The following MTUS2 variants were observed in gnomAD, a reference collection of about 807,000 sequenced individuals.
MTUS2 encodes the protein microtubule-associated tumor suppressor candidate 2.
Under a neutral mutation model 114.1 loss-of-function variants are expected in MTUS2, and 40 were observed. The ratio of observed to expected loss-of-function variants is 0.35; its 90% CI spans 0.27 to 0.46. MTUS2 has a LOEUF of 0.46. Among genes scored for constraint, MTUS2 ranks in the 20% least tolerant of loss-of-function variants. The pLI is 1.00. For missense variants in MTUS2, 1,679 were observed against 1,705.4 expected, an observed-to-expected ratio of 0.98 and a Z score of 0.27; for synonymous variants, 688 against 672.0, an observed-to-expected ratio of 1.02 and a Z score of -0.37.
chr13:29,058,384 T>A (rs1888240554), intron 4 of MTUS2, among the ~76,000 whole-genome samples: 1 of 151,938 alleles, frequency 6.6e-6, no homozygotes, highest in African/African-American at 2.4e-5. Flanking sequence ...CCAAATTGCT[T>A]GTTTACTCTC....
At chr13:29,242,775 TTG>T (rs1444663619) in intron 5 of MTUS2, 3 of 152,256 alleles carry the variant, frequency 2.0e-5, no homozygotes, top group Non-Finnish European at 4.4e-5. Flanking sequence ...GCTAACATTG[TTG>T]AGTACCTACT....
Position 29,503,452 on chromosome 13 carries a change from C to G in MTUS2, c.*246C>G, listed in dbSNP as rs753375209. ...GTTAGAGCCAAAAGAAAGACACTTG[C>G]AATTGTTCTTGAGCAATGAACTTTC... On this transcript the variant is annotated 3_prime_UTR_variant, in exon 16 of 16. Transcript: ENST00000612955. 3 of 583,900 alleles carry G rather than the reference C, an allele frequency of 5.1e-6. No homozygotes were observed. Among genetic ancestry groups the G allele is most frequent in the Admixed American group, 6.0e-5 (2 of 33,474 alleles). 36.2% of individuals were successfully genotyped at this position (583,900 alleles called of 1,614,324 possible).
In MTUS2 at chr13:29,504,953, T is replaced by A; in HGVS notation, c.*1747T>A. The stretch of plus-strand genomic sequence containing the variant: ...GTTGCCAACGTGAAGGCAGACATGG[T>A]CCCTGGCCCTAGGATGAGTCCACGC... On this transcript the variant is annotated 3_prime_UTR_variant, in exon 16 of 16. Coordinates refer to ENST00000612955, the MANE Select transcript of MTUS2 (RefSeq NM_001033602.4). 4.3e-6 allele frequency: 1 copy of A among 232,692 alleles called. No individual in the cohort carries two copies. Among genetic ancestry groups the A allele is most frequent in the Non-Finnish European group, 8.5e-6 (1 of 117,682 alleles). The allele number at this position is 232,692 out of a possible 1,614,324, so 14.4% of individuals were successfully genotyped here.
chr13:29,465,431 C>T (rs1879818547), intron 9 of MTUS2, among the ~76,000 whole-genome samples: 1 of 152,324 alleles, frequency 6.6e-6, no homozygotes, highest in East Asian at 1.9e-4. Context: ...GACACTTGTG[C>T]TTTACTTACC....
At chr13:29,065,439 T>C (rs1420247348) in intron 4 of MTUS2, among the ~76,000 whole-genome samples, 1 of 152,222 alleles carries the variant, frequency 6.6e-6, no homozygotes, top group Non-Finnish European at 1.5e-5. Flanking sequence ...TTTTGAGAAG[T>C]GTCTGTTCAT....
intron 5 of MTUS2, among the ~76,000 whole-genome samples, chr13:29,104,331 G>A (rs148164416): frequency 3.2e-4 from 49 of 152,298 alleles, no homozygotes; most frequent in African/African-American, 1.2e-3. Context: ...TGGGTCCTGG[G>A]CTGGTGTTCT....
intron 6 of MTUS2, among the ~76,000 whole-genome samples, chr13:29,294,484 A>G (rs1898854841): frequency 6.6e-6 from 1 of 152,156 alleles, no homozygotes; most frequent in South Asian, 2.1e-4. Flanking sequence ...TTGCAAAATC[A>G]TATTTGTTAG....
chr13:29,340,153 G>A (rs1901318871), intron 7 of MTUS2, among the ~76,000 whole-genome samples: 2 of 152,288 alleles, frequency 1.3e-5, no homozygotes, highest in South Asian at 2.1e-4. Context: ...ATCACGGGGT[G>A]CAGCTGCAGC....
At chr13:29,182,787 A>G (rs1894060041) in intron 5 of MTUS2, among the ~76,000 whole-genome samples, 1 of 152,242 alleles carries the variant, frequency 6.6e-6, no homozygotes, top group Non-Finnish European at 1.5e-5. Flanking sequence ...GAGAGGGTTG[A>G]ATTAAGTGAA....
chr13:29,294,096 G>A (rs892433467), intron 6 of MTUS2, among the ~76,000 whole-genome samples: 4 of 151,970 alleles, frequency 2.6e-5, no homozygotes, highest in African/African-American at 9.7e-5. Context: ...ATAATAATTT[G>A]TTCTAAGGAA....
chr13:29,087,174 T>C (rs1356818610), intron 4 of MTUS2, among the ~76,000 whole-genome samples: 1 of 152,242 alleles, frequency 6.6e-6, no homozygotes, highest in Non-Finnish European at 1.5e-5. Context: ...ATCCTTATCT[T>C]GTTCCAGTTC....
rs540692389 is a variant in MTUS2 at position 29,503,866 on chromosome 13, C to T, written c.*660C>T. 6.4e-5 allele frequency: 15 copies of T among 233,962 alleles called. No homozygotes were observed. The highest frequency in any genetic ancestry group is 3.7e-4 in the East Asian group (6 of 16,232). 14.5% of individuals were successfully genotyped at this position (233,962 alleles called of 1,614,324 possible). ...TTGGAACAATCAGCTTCTCAGTCAA[C>T]ATGATGTGAGATCACTATTATTCCA... On this transcript the variant is annotated 3_prime_UTR_variant, in exon 16 of 16. Coordinates refer to ENST00000612955, the MANE Select transcript of MTUS2 (RefSeq NM_001033602.4).
chr13:29,183,966 T>C (rs186953866), intron 5 of MTUS2, among the ~76,000 whole-genome samples: 1 of 152,194 alleles, frequency 6.6e-6, no homozygotes, highest in African/African-American at 2.4e-5. Flanking sequence ...AAAAGTTAAC[T>C]GTACAGTTTT....
chr13:29,386,283 T>C (rs1057363972), intron 8 of MTUS2, among the ~76,000 whole-genome samples: 1 of 152,180 alleles, frequency 6.6e-6, no homozygotes, highest in Non-Finnish European at 1.5e-5. Context: ...CAACTGTGAA[T>C]ACTACAAAGA....
intron 6 of MTUS2, among the ~76,000 whole-genome samples, chr13:29,287,915 TA>T (rs1400569390): frequency 1.3e-5 from 2 of 152,180 alleles, no homozygotes; most frequent in African/African-American, 4.8e-5. Flanking sequence ...GAGAAACAAT[TA>T]TTAAAACGTT....
At position 29,381,671 on chromosome 13, in the gene MTUS2, C is replaced by T. The variant is rs138211883; in HGVS notation, c.3117+22198C>T. Among the ~76,000 whole-genome samples the T allele has an allele frequency of 5.2e-3, 787 of 152,238 alleles. 5 individuals are homozygous for T. The highest frequency in any genetic ancestry group is 0.018 in the African/African-American group (734 of 41,548). On this transcript the variant is annotated intron_variant, in intron 8 of 15. Transcript: ENST00000612955. ...AAGGTCATTCCAACATCAAAGCCCA[C>T]GTTCATCATGACGTTCTGCTGCCTC...
At chr13:29,275,299 C>T (rs995518062) in intron 5 of MTUS2, among the ~76,000 whole-genome samples, 2 of 152,144 alleles carry the variant, frequency 1.3e-5, no homozygotes, top group Non-Finnish European at 1.5e-5. Flanking sequence ...TTGATACAGG[C>T]ATGCAATGCA....
intron 5 of MTUS2, among the ~76,000 whole-genome samples, chr13:29,258,218 T>C (rs1412893992): frequency 2.0e-5 from 3 of 152,172 alleles, no homozygotes; most frequent in Admixed American, 6.5e-5. Flanking sequence ...ATTCAGATCA[T>C]TGGGAGGATT....
At chr13:29,311,594 ATAACT>A (rs984761116) in intron 6 of MTUS2, among the ~76,000 whole-genome samples, 10 of 152,192 alleles carry the variant, frequency 6.6e-5, no homozygotes, top group African/African-American at 2.4e-4. Context: ...AAGAAAGGAA[ATAACT>A]TATCTTAATA....
Sources: allele counts gnomAD v4.1 joint callset (sites outside exome capture counted in the v4.1 genomes callset), GRCh38; gene constraint gnomAD v4.1.1; transcripts MANE v1.5; gene names NCBI Gene and HGNC (gene_info 2026-07-23, HGNC 2026-07-21).